Variants in CBX7 observed in about 807,000 individuals in gnomAD.
The protein encoded by CBX7 is chromobox 7.
CBX7 carries 14 observed loss-of-function variants against 31.4 expected under a neutral mutation model. That is an observed-to-expected ratio of 0.45 (90% confidence interval 0.29 to 0.70). The LOEUF (loss-of-function observed/expected upper bound fraction) is 0.70, where lower values mean the gene tolerates loss of function less well. Among genes scored for constraint, CBX7 ranks in the 30% least tolerant of loss-of-function variants. The pLI, the probability that CBX7 is intolerant of heterozygous loss-of-function variation, is 0.11. For synonymous variants in CBX7, 159 were observed against 152.6 expected, an observed-to-expected ratio of 1.04 and a Z score of -0.31; for missense variants, 269 against 351.9, an observed-to-expected ratio of 0.76 and a Z score of 1.89.
At chr22:39,137,540 G>A (rs1222207503) in intron 4 of CBX7, among the ~76,000 whole-genome samples, 3 of 152,050 alleles carry the variant, frequency 2.0e-5, no homozygotes, top group Non-Finnish European at 2.9e-5. Flanking sequence ...GTAGAGACAG[G>A]TTTTCACCAT....
At chr22:39,151,064 A>G (rs967824530) in intron 1 of CBX7, among the ~76,000 whole-genome samples, 6 of 152,164 alleles carry the variant, frequency 3.9e-5, no homozygotes, top group East Asian at 1.9e-4. Context: ...CCAACCCTCA[A>G]TAAATATTTT....
chr22:39,145,186 C>A (rs1023401118), intron 2 of CBX7, among the ~76,000 whole-genome samples: 6 of 152,208 alleles, frequency 3.9e-5, no homozygotes, highest in Admixed American at 3.9e-4. Flanking sequence ...ATAACAGGGT[C>A]GCACTTGGCT....
chr22:39,151,422 T>C (rs10439918), intron 1 of CBX7, among the ~76,000 whole-genome samples: 6,788 of 152,274 alleles, frequency 0.045, 205 homozygotes, highest in Non-Finnish European at 0.066. Flanking sequence ...CTGCTCTACC[T>C]CCCTATCTAA....
chr22:39,140,462 C>G (rs1930413253), intron 3 of CBX7, among the ~76,000 whole-genome samples: 1 of 152,182 alleles, frequency 6.6e-6, no homozygotes, highest in African/African-American at 2.4e-5. Flanking sequence ...TCTTTTGAAT[C>G]CATGGCAGGA....
intron 3 of CBX7, 188 bp downstream of exon 3, chr22:39,141,183 G>A (rs1474805874): frequency 1.8e-6 from 1 of 544,512 alleles, no homozygotes; most frequent in East Asian, 3.4e-5. Context: ...CAACAGGAAA[G>A]GGCCCCAGGG....
intron 2 of CBX7, among the ~76,000 whole-genome samples, chr22:39,145,262 G>A (rs932094838): frequency 6.6e-6 from 1 of 152,136 alleles, no homozygotes; most frequent in African/African-American, 2.4e-5. Context: ...GACCCAGCCG[G>A]TAAGGAGGAC....
chr22:39,152,456 G>A lies in CBX7; in HGVS notation c.-12C>T. The A allele has an allele frequency of 8.5e-7, 1 of 1,172,892 alleles. No individual in the cohort carries two copies. Among genetic ancestry groups the A allele is most frequent in the African/African-American group, 1.6e-5 (1 of 61,878 alleles). 72.7% of individuals were successfully genotyped at this position (1,172,892 alleles called of 1,614,324 possible). A position where few individuals can be genotyped will look rare whatever the true frequency, so the allele number is the denominator to read the frequency against. On this transcript the variant is annotated 5_prime_UTR_variant, in exon 1 of 6. Coordinates refer to ENST00000216133, the MANE Select transcript of CBX7 (RefSeq NM_175709.5). The surrounding 1 kb of genome is among the most constrained non-coding windows in gnomAD (Gnocchi z 4.9). ...GCTGACAGCTCCATGCGGGGCGGCG[G>A]GCGAGCGGGCCCGGGGCCGGGCCGG...
At chr22:39,141,741 T>G (rs188746579) in intron 2 of CBX7, among the ~76,000 whole-genome samples, 133 of 139,902 alleles carry the variant, frequency 9.5e-4, no homozygotes, top group African/African-American at 3.3e-3. Flanking sequence ...AGAGTAAGAC[T>G]CTAAAAAAAA....
Position 39,134,467 on chromosome 22 carries a change from G to T in CBX7, c.532C>A (p.Pro178Thr), listed in dbSNP as rs372264026. 6 of 1,608,740 alleles carry T rather than the reference G, an allele frequency of 3.7e-6. No individual in the cohort carries two copies. Among genetic ancestry groups the T allele is most frequent in the Non-Finnish European group, 5.1e-6 (6 of 1,179,834 alleles). ...GCCGCCTGCAGGACGTCTGGGGCCG[G>T]TGGCTCCTGCAGGAAGAGCTCCCGT... ...HRRELFLQEP[P>T]APDVLQAAGE... is the part of the protein sequence containing the mutation. The change falls in exon 5 of 6, where the codon CCG (proline) becomes ACG (threonine). Residue 178 changes from proline to threonine, a missense_variant. Pro to Thr is a conservative substitution (Grantham distance 38, BLOSUM62 -1). This residue lies in a region of CBX7 where 222 missense variants were observed against 240.4 expected (regional missense o/e 0.92). Coordinates refer to ENST00000216133, the MANE Select transcript of CBX7 (RefSeq NM_175709.5).
chr22:39,145,840 C>T (rs1930640241), intron 2 of CBX7, among the ~76,000 whole-genome samples: 1 of 151,862 alleles, frequency 6.6e-6, no homozygotes, highest in Admixed American at 6.5e-5. Flanking sequence ...CCAGCCAAAG[C>T]CCCGCCGCGC....
chr22:39,150,808 G>C (rs1170590709), intron 1 of CBX7, among the ~76,000 whole-genome samples: 1 of 152,168 alleles, frequency 6.6e-6, no homozygotes, highest in East Asian at 1.9e-4. Flanking sequence ...CCCATTGTGA[G>C]TGAAGCCCCT....
chr22:39,145,530 C>G (rs549407365), intron 2 of CBX7, among the ~76,000 whole-genome samples: 1 of 152,218 alleles, frequency 6.6e-6, no homozygotes, highest in African/African-American at 2.4e-5. Context: ...GGGACACGCT[C>G]GTTGCCTGGG....
chr22:39,134,707 TGCC>T lies in CBX7; in HGVS notation c.289_291del (p.Gly97del). 1 of 1,575,736 alleles carries T rather than the reference TGCC, an allele frequency of 6.3e-7. No individual in the cohort carries two copies. The highest frequency in any genetic ancestry group is 8.6e-7 in the Non-Finnish European group (1 of 1,159,286). On this transcript the variant is annotated inframe_deletion, in exon 5 of 6. Coordinates refer to ENST00000216133, the MANE Select transcript of CBX7 (RefSeq NM_175709.5). ...GTCAGGGAGAAGCAGAGCTTCTCCT[TGCC>T]CTTGGCCTTGTGGGAGCTCCGCAGG...
chr22:39,134,192 AG>A, intron 5 of CBX7, 144 bp from the exon 6 acceptor site: 1 of 938,690 alleles, frequency 1.1e-6, no homozygotes, highest in Non-Finnish European at 1.6e-6. Context: ...ACTTGGGAGG[AG>A]GGCACTGGGT....
In CBX7 at chr22:39,131,213, T is replaced by G. The variant is rs560324772; in HGVS notation, c.*2678A>C. On this transcript the variant is annotated 3_prime_UTR_variant, in exon 6 of 6. Transcript: ENST00000216133. Reference sequence around the variant, plus strand: ...GCATTCCAGGCGGCTGTGCCAGGGGTGGGGGTACCTCCTCCGCACCCCCCA... The same window carrying G: ...GCATTCCAGGCGGCTGTGCCAGGGGGGGGGGTACCTCCTCCGCACCCCCCA... The G allele has an allele frequency of 6.6e-6, 1 of 152,158 alleles. No individual in the cohort carries two copies. Among genetic ancestry groups the G allele is most frequent in the Non-Finnish European group, 1.5e-5 (1 of 67,944 alleles). 9.4% of individuals were successfully genotyped at this position (152,158 alleles called of 1,614,324 possible).
intron 2 of CBX7, among the ~76,000 whole-genome samples, chr22:39,146,083 G>T (rs1930652330): frequency 6.6e-6 from 1 of 152,196 alleles, no homozygotes; most frequent in African/African-American, 2.4e-5. Flanking sequence ...GACACAGCAC[G>T]GGCTCTGGTC....
At chr22:39,148,638 G>T (rs1187273257) in intron 2 of CBX7, 1 of 152,292 alleles carries the variant, frequency 6.6e-6, no homozygotes, top group African/African-American at 2.4e-5. Context: ...GAACTGAAGT[G>T]GGGGTTGGTG....
intron 4 of CBX7, chr22:39,136,737 A>T (rs1930267299): frequency 1.3e-5 from 2 of 152,346 alleles, no homozygotes; most frequent in African/African-American, 4.8e-5. Context: ...TTGAGTTGCC[A>T]TGTTAGAGGG....
intron 2 of CBX7, among the ~76,000 whole-genome samples, chr22:39,144,634 G>T (rs1930578552): frequency 6.6e-6 from 1 of 152,220 alleles, no homozygotes; most frequent in Non-Finnish European, 1.5e-5. Context: ...GGAAAAGGCT[G>T]AATCTCCTCA....
Sources: gnomAD v4.1 joint callset for allele counts (sites outside exome capture counted in the v4.1 genomes callset) on GRCh38, gnomAD v4.1.1 for gene constraint, gnomAD v4.1.1 regional missense constraint, Gnocchi (gnomAD v3.1) non-coding constraint, MANE v1.5 for transcripts, NCBI Gene and HGNC (gene_info 2026-07-23, HGNC 2026-07-21) for gene names.